Variants in CDH12 observed in about 807,000 individuals in gnomAD.
CDH12 encodes the protein cadherin-12.
A neutral mutation model predicts 74.1 loss-of-function variants in CDH12; 41 were observed. That is an observed-to-expected ratio of 0.55 (90% CI 0.43 to 0.72). The LOEUF (loss-of-function observed/expected upper bound fraction) is 0.72, where lower values mean the gene tolerates loss of function less well. Among genes scored for constraint, CDH12 ranks in the 30% least tolerant of loss-of-function variants. CDH12 has a pLI of 0.00. For missense variants in CDH12, 945 were observed against 977.2 expected (o/e 0.97, Z 0.44); for synonymous variants, 399 against 355.0 (o/e 1.12, Z -1.39).
intron 6 of CDH12, among the ~76,000 whole-genome samples, chr5:21,921,221 C>T (rs1282066144): frequency 6.6e-6 from 1 of 152,132 alleles, no homozygotes; most frequent in Non-Finnish European, 1.5e-5. Context: ...AATTATATGG[C>T]TATGAGTGGC....
chr5:22,827,238 T>A (rs1451289695), intron 1 of CDH12, among the ~76,000 whole-genome samples: 1 of 152,190 alleles, frequency 6.6e-6, no homozygotes, highest in Non-Finnish European at 1.5e-5. Context: ...CATGTGGTGT[T>A]GAGCCTGCGA....
chr5:21,924,970 C>T (rs1024083766), intron 6 of CDH12, among the ~76,000 whole-genome samples: 14 of 152,084 alleles, frequency 9.2e-5, no homozygotes, highest in East Asian at 5.8e-4. Context: ...CTGGAGAATG[C>T]AACATATTTA....
chr5:21,850,145 G>C (rs903070372), intron 7 of CDH12, among the ~76,000 whole-genome samples: 1 of 151,558 alleles, frequency 6.6e-6, no homozygotes, highest in Non-Finnish European at 1.5e-5. Flanking sequence ...AAGGGTCAGG[G>C]TATGGGAGAG....
chr5:21,867,146 G>A (rs530306602), intron 6 of CDH12, among the ~76,000 whole-genome samples: 10 of 152,132 alleles, frequency 6.6e-5, no homozygotes, highest in Admixed American at 1.3e-4. Context: ...CCTGATTTCA[G>A]GAGTTCGAGA....
chr5:21,770,583 A>C lies in CDH12; in HGVS notation c.1394-5484T>G, dbSNP rs995601341. ...CAGTGAGCTGAGATTGTGCCATTGC[A>C]CTCCAGCTTGGGTGACAAGAGCAAA... On this transcript the variant is annotated intron_variant, in intron 11 of 14. Transcript: ENST00000382254. Among the ~76,000 whole-genome samples the C allele has an allele frequency of 2.7e-5, 4 of 150,326 alleles. No homozygotes were observed. The East Asian group carries it at 7.8e-4, about 29-fold the overall frequency.
At chr5:22,334,039 T>C (rs1487684929) in intron 3 of CDH12, among the ~76,000 whole-genome samples, 2 of 152,140 alleles carry the variant, frequency 1.3e-5, no homozygotes, top group African/African-American at 2.4e-5. Flanking sequence ...TGGGTAAGAA[T>C]TGAAAGTCTC....
In CDH12 at chr5:22,687,415, T is replaced by C. The variant is rs370888359; in HGVS notation, c.-523+165643A>G. 3.9e-5 allele frequency among the ~76,000 whole-genome samples: 6 copies of C among 152,298 alleles called. No homozygotes were observed. The South Asian group carries it at 1.2e-3, about 32-fold the overall frequency. On this transcript the variant is annotated intron_variant, in intron 1 of 14. Transcript: ENST00000382254. Reference sequence around the variant, plus strand: ...TAAAATTCCTCCACACTTTTTTGTTTTGTTTTTTTTGAGACAGGGTCTCAC... The same window carrying C: ...TAAAATTCCTCCACACTTTTTTGTTCTGTTTTTTTTGAGACAGGGTCTCAC...
At chr5:22,574,822 C>T (rs1739705995) in intron 1 of CDH12, among the ~76,000 whole-genome samples, 1 of 152,068 alleles carries the variant, frequency 6.6e-6, no homozygotes, top group South Asian at 2.1e-4. Flanking sequence ...AGGCCAGAAA[C>T]ACGAGCCCTA....
At chr5:22,061,164 T>C (rs1417625424) in intron 5 of CDH12, among the ~76,000 whole-genome samples, 2 of 152,204 alleles carry the variant, frequency 1.3e-5, no homozygotes, top group Non-Finnish European at 2.9e-5. Flanking sequence ...GTTACACTGA[T>C]ATATGTTATG....
intron 8 of CDH12, among the ~76,000 whole-genome samples, chr5:21,837,914 T>C (rs1399275253): frequency 6.6e-6 from 1 of 152,148 alleles, no homozygotes; most frequent in Non-Finnish European, 1.5e-5. Flanking sequence ...CAGAAAATAA[T>C]TTGATCACAG....
chr5:22,645,932 T>C (rs757825359), intron 1 of CDH12, among the ~76,000 whole-genome samples: 9 of 152,078 alleles, frequency 5.9e-5, no homozygotes, highest in Non-Finnish European at 5.9e-5. Flanking sequence ...CAGTATAATA[T>C]AAACATAATT....
chr5:22,277,479 A>G (rs1420427947), intron 3 of CDH12, among the ~76,000 whole-genome samples: 2 of 152,070 alleles, frequency 1.3e-5, no homozygotes, highest in Admixed American at 1.3e-4. Context: ...CTTCTCTGAG[A>G]CCCATAGTGC....
chr5:22,795,954 C>G (rs971255169), intron 1 of CDH12, among the ~76,000 whole-genome samples: 9 of 151,958 alleles, frequency 5.9e-5, no homozygotes, highest in Non-Finnish European at 1.2e-4. Flanking sequence ...TAAGTTAGAG[C>G]CTTCTGTGCT....
rs190235964 is a variant in CDH12 at position 22,755,584 on chromosome 5, T to G, written c.-523+97474A>C. Among the ~76,000 whole-genome samples, 15 of 152,270 alleles carry G rather than the reference T, an allele frequency of 9.9e-5. No homozygotes were observed. The East Asian group carries it at 2.9e-3, about 29-fold the overall frequency. On this transcript the variant is annotated intron_variant, in intron 1 of 14. Transcript: ENST00000382254. ...TGTATGAAGAAAAATAAAGCCAATATGTAAGAATTCATACAACACAATTGC... is the reference window on the plus strand; with the variant it reads ...TGTATGAAGAAAAATAAAGCCAATAGGTAAGAATTCATACAACACAATTGC...
At chr5:22,101,948 C>A (rs954177271) in intron 4 of CDH12, among the ~76,000 whole-genome samples, 3 of 152,196 alleles carry the variant, frequency 2.0e-5, no homozygotes, top group South Asian at 4.1e-4. Flanking sequence ...AATATGTAAC[C>A]AAATGGGTAT....
intron 1 of CDH12, among the ~76,000 whole-genome samples, chr5:22,695,734 T>C (rs1248428641): frequency 1.3e-5 from 2 of 150,806 alleles, no homozygotes; most frequent in African/African-American, 4.8e-5. Context: ...AGATTAAATC[T>C]TGGCATTTGC....
At chr5:21,902,999 C>T (rs17364415) in intron 6 of CDH12, among the ~76,000 whole-genome samples, 10,169 of 152,010 alleles carry the variant, frequency 0.067, 379 homozygotes, top group South Asian at 0.099. Flanking sequence ...TGAGTTAAGA[C>T]GCTAATGATA....
chr5:21,819,934 T>C (rs1474422452), intron 8 of CDH12, among the ~76,000 whole-genome samples: 1 of 151,958 alleles, frequency 6.6e-6, no homozygotes, highest in Non-Finnish European at 1.5e-5. Flanking sequence ...ACATATTAGG[T>C]TTATGAGTTA....
Position 22,067,665 on chromosome 5 carries a change from T to C in CDH12, c.231+10781A>G, listed in dbSNP as rs148218032. ...GTGTGGCATCTTTGGTTGGTCTCATTTGATGAATTACAGCACAGGCCCTTA... is the reference window on the plus strand; with the variant it reads ...GTGTGGCATCTTTGGTTGGTCTCATCTGATGAATTACAGCACAGGCCCTTA... On this transcript the variant is annotated intron_variant, in intron 5 of 14. Coordinates refer to ENST00000382254, the MANE Select transcript of CDH12 (RefSeq NM_004061.5). Among the ~76,000 whole-genome samples, 495 of 152,256 alleles carry C rather than the reference T, an allele frequency of 3.3e-3. 1 individual carries two copies. The highest frequency in any genetic ancestry group is 0.011 in the African/African-American group (459 of 41,558).
Sources: allele counts gnomAD v4.1 joint callset (sites outside exome capture counted in the v4.1 genomes callset), GRCh38; gene constraint gnomAD v4.1.1; transcripts MANE v1.5; gene names NCBI Gene and HGNC (gene_info 2026-07-23, HGNC 2026-07-21).